Variants in SLC24A4 observed in about 807,000 individuals in gnomAD.
SLC24A4 encodes solute carrier family 24 member 4.
In SLC24A4, 53 loss-of-function variants were observed where a neutral mutation model predicts 79.0. The observed-to-expected ratio is 0.67, with a 90% confidence interval of 0.54 to 0.84. The LOEUF is 0.84. Among genes scored for constraint, SLC24A4 ranks in the 40% least tolerant of loss-of-function variants. SLC24A4 has a pLI of 0.00. For missense variants in SLC24A4, 731 were observed against 822.0 expected (o/e 0.89, Z 1.35); for synonymous variants, 323 against 323.8 (o/e 1.00, Z 0.03).
At chr14:92,407,782 G>A (rs1054968473) in intron 2 of SLC24A4, among the ~76,000 whole-genome samples, 3 of 151,888 alleles carry the variant, frequency 2.0e-5, no homozygotes, top group Non-Finnish European at 4.4e-5. Flanking sequence ...CCTCCAATTC[G>A]GCATGAGATT....
chr14:92,350,148 C>T (rs1886788909), intron 2 of SLC24A4, among the ~76,000 whole-genome samples: 1 of 152,194 alleles, frequency 6.6e-6, no homozygotes, highest in Non-Finnish European at 1.5e-5. Context: ...ATGCAGAGTA[C>T]TTCTTGTTGC....
At position 92,474,702 on chromosome 14, in the gene SLC24A4, CG is replaced by C. The variant is rs1894625018; in HGVS notation, c.1256-7977del. Among the ~76,000 whole-genome samples the C allele has an allele frequency of 7.1e-4, 3 of 4,198 alleles. No homozygotes were observed. The Non-Finnish European group carries it at 8.6e-3, about 12-fold the overall frequency. 2.8% of individuals were successfully genotyped at this position (4,198 alleles called of 152,430 possible). A position where few individuals can be genotyped will look rare whatever the true frequency, so the allele number is the denominator to read the frequency against. ...ATATACACATATATATGTATATATA[CG>C]TGTGTGTATATATATATACACACAC... On this transcript the variant is annotated intron_variant, in intron 12 of 16. Transcript: ENST00000532405.
At chr14:92,456,289 GGTT>G (rs1893455837) in intron 11 of SLC24A4, 112 bp from the exon 12 acceptor site, 3 of 981,602 alleles carry the variant, frequency 3.1e-6, no homozygotes, top group African/African-American at 3.2e-5. Flanking sequence ...CTGTCCCCAG[GGTT>G]GTTGTTCTAG....
chr14:92,482,923 G>A lies in SLC24A4; in HGVS notation c.1422+77G>A, dbSNP rs951208761. ...AGAGCTGGGTTCAAGGCTAACCACA[G>A]GTACTGCTGTGCCACCTTTGGGCGA... On this transcript the variant is annotated intron_variant, in intron 13 of 16. Transcript: ENST00000532405. The A allele has an allele frequency of 2.8e-6, 4 of 1,442,058 alleles. No individual in the cohort carries two copies. In the African/African-American group the frequency reaches 4.3e-5, roughly 15 times the overall value. 89.3% of individuals were successfully genotyped at this position (1,442,058 alleles called of 1,614,324 possible).
At chr14:92,382,915 C>T (rs1439296576) in intron 2 of SLC24A4, among the ~76,000 whole-genome samples, 1 of 152,138 alleles carries the variant, frequency 6.6e-6, no homozygotes, top group Non-Finnish European at 1.5e-5. Flanking sequence ...TATAAAGAGA[C>T]CTGGATTTAC....
rs189992910 is a variant in SLC24A4 at position 92,402,303 on chromosome 14, G to T, written c.242-31609G>T. Among the ~76,000 whole-genome samples the T allele has an allele frequency of 1.1e-4, 17 of 152,212 alleles. No individual in the cohort carries two copies. The East Asian group carries it at 3.1e-3, about 28-fold the overall frequency. The stretch of plus-strand genomic sequence containing the variant: ...AGCCATCCACTTTCTAATTGTGATT[G>T]TCCTGAAATACATTGATTTATATAT... On this transcript the variant is annotated intron_variant, in intron 2 of 16. Coordinates refer to ENST00000532405, the MANE Select transcript of SLC24A4 (RefSeq NM_153646.4).
intron 2 of SLC24A4, among the ~76,000 whole-genome samples, chr14:92,367,841 A>G (rs1298735376): frequency 6.6e-6 from 1 of 152,262 alleles, no homozygotes. Flanking sequence ...CATAGCAGAG[A>G]AAGGGAGAAG....
At chr14:92,399,840 G>T (rs1003730040) in intron 2 of SLC24A4, among the ~76,000 whole-genome samples, 1 of 152,170 alleles carries the variant, frequency 6.6e-6, no homozygotes, top group African/African-American at 2.4e-5. Context: ...AACTTACCTT[G>T]TTTGAGCATT....
intron 3 of SLC24A4, among the ~76,000 whole-genome samples, chr14:92,437,773 G>A (rs902020617): frequency 6.6e-6 from 1 of 152,184 alleles, no homozygotes; most frequent in African/African-American, 2.4e-5. Context: ...ATTAAAGGGA[G>A]CAAATCAGGA....
chr14:92,335,926 G>A (rs541125405), intron 2 of SLC24A4, among the ~76,000 whole-genome samples: 1 of 152,290 alleles, frequency 6.6e-6, no homozygotes, highest in South Asian at 2.1e-4. Context: ...CCCTGTCCAC[G>A]GGAGCAGCAA....
chr14:92,358,157 A>G (rs1005348077), intron 2 of SLC24A4, among the ~76,000 whole-genome samples: 2 of 152,198 alleles, frequency 1.3e-5, no homozygotes, highest in Non-Finnish European at 2.9e-5. Flanking sequence ...AGTTCTACCT[A>G]GAGGGGACAC....
intron 10 of SLC24A4, chr14:92,451,117 C>A (rs1893111185): frequency 6.6e-6 from 1 of 152,270 alleles, no homozygotes; most frequent in African/African-American, 2.4e-5. Flanking sequence ...TCCCATCTTC[C>A]TGCAGCTTTT....
At chr14:92,414,610 C>T (rs1290407607) in intron 2 of SLC24A4, among the ~76,000 whole-genome samples, 1 of 152,106 alleles carries the variant, frequency 6.6e-6, no homozygotes, top group Non-Finnish European at 1.5e-5. Flanking sequence ...CATGAAGATG[C>T]ATGCCTGTAG....
Position 92,409,421 on chromosome 14 carries a change from G to A in SLC24A4, c.242-24491G>A, listed in dbSNP as rs906685946. 3.9e-5 allele frequency among the ~76,000 whole-genome samples: 6 copies of A among 152,230 alleles called. No individual in the cohort carries two copies. The South Asian group carries it at 8.3e-4, about 21-fold the overall frequency. ...AGGGATGGAAAAGGCAGCGCATTCAGTGTTATTTCCATTTGGAGCTGTGCA... is the reference window on the plus strand; with the variant it reads ...AGGGATGGAAAAGGCAGCGCATTCAATGTTATTTCCATTTGGAGCTGTGCA... On this transcript the variant is annotated intron_variant, in intron 2 of 16. Coordinates refer to ENST00000532405, the MANE Select transcript of SLC24A4 (RefSeq NM_153646.4).
At chr14:92,474,048 T>G (rs1894580574) in intron 12 of SLC24A4, among the ~76,000 whole-genome samples, 1 of 152,206 alleles carries the variant, frequency 6.6e-6, no homozygotes, top group African/African-American at 2.4e-5. Context: ...CTCTTTAGCT[T>G]GATCAAGTGC....
intron 12 of SLC24A4, among the ~76,000 whole-genome samples, chr14:92,461,941 C>A (rs1184928989): frequency 6.6e-6 from 1 of 152,228 alleles, no homozygotes; most frequent in Non-Finnish European, 1.5e-5. Flanking sequence ...CGGGTTTCCA[C>A]CCCGAGCACC....
rs1313658960 is a variant in SLC24A4 at position 92,496,641 on chromosome 14, G to C, written c.*3013G>C. 6.6e-6 allele frequency: 1 copy of C among 152,088 alleles called. No homozygotes were observed. The highest frequency in any genetic ancestry group is 6.5e-5 in the Admixed American group (1 of 15,268). The allele number at this position is 152,088 out of a possible 1,614,324, so 9.4% of individuals were successfully genotyped here. Reference sequence around the variant, plus strand: ...ACCTGGCCCTGGAGGAAGGTTCTGGGTCAGCTGCAATGAGAGACTGGTGAT... The same window carrying C: ...ACCTGGCCCTGGAGGAAGGTTCTGGCTCAGCTGCAATGAGAGACTGGTGAT... On this transcript the variant is annotated 3_prime_UTR_variant, in exon 17 of 17. Transcript: ENST00000532405.
intron 7 of SLC24A4, among the ~76,000 whole-genome samples, chr14:92,444,852 C>G (rs1892698284): frequency 6.6e-6 from 1 of 151,696 alleles, no homozygotes; most frequent in Non-Finnish European, 1.5e-5. Flanking sequence ...AAGACTACGT[C>G]TCAAAAACAA....
intron 13 of SLC24A4, chr14:92,483,630 A>G (rs761586174): frequency 5.1e-6 from 4 of 787,588 alleles, no homozygotes; most frequent in Non-Finnish European, 7.5e-6. Context: ...TAAACCTTTC[A>G]TCGGCTGGGC....
Sources: gnomAD v4.1 joint callset for allele counts (sites outside exome capture counted in the v4.1 genomes callset) on GRCh38, gnomAD v4.1.1 for gene constraint, MANE v1.5 for transcripts, NCBI Gene and HGNC (gene_info 2026-07-23, HGNC 2026-07-21) for gene names.